RCC1: variants seen among roughly 807,000 people sequenced by gnomAD.
The protein encoded by RCC1 is regulator of chromosome condensation 1.
RCC1 carries 11 observed loss-of-function variants against 44.4 expected under a neutral mutation model. That is an observed-to-expected ratio of 0.25 (90% confidence interval 0.16 to 0.41). The LOEUF (loss-of-function observed/expected upper bound fraction) is 0.41. Ranked by LOEUF, RCC1 falls within the 10% of genes least tolerant of loss-of-function variation. The pLI is 1.00. For synonymous variants in RCC1, 213 were observed against 216.5 expected (o/e 0.98, Z 0.14); for missense variants, 386 against 547.1 (o/e 0.71, Z 2.94).
At chr1:28,530,686 G>GA in intron 5 of RCC1, 1 of 1,341,510 alleles carries the variant, frequency 7.5e-7, no homozygotes, top group Non-Finnish European at 1.0e-6. Flanking sequence ...ATCCTCGGGG[G>GA]AGGGGCTGGG....
At chr1:28,519,019 G>A (rs1233751026) in intron 4 of RCC1, 2 of 152,236 alleles carry the variant, frequency 1.3e-5, no homozygotes, top group Non-Finnish European at 2.9e-5. Context: ...GTGTGCCCTA[G>A]CAGAAGTTGA....
chr1:28,526,322 C>A, intron 4 of RCC1: 1 of 293,942 alleles, frequency 3.4e-6, no homozygotes, highest in South Asian at 5.9e-5. Context: ...AAAACAAGTA[C>A]TTGATGACTC....
At chr1:28,523,464 G>A (rs1018115044) in intron 4 of RCC1, among the ~76,000 whole-genome samples, 1 of 152,114 alleles carries the variant, frequency 6.6e-6, no homozygotes, top group African/African-American at 2.4e-5. Flanking sequence ...GGATCATTGT[G>A]GCCAGCTTGT....
intron 4 of RCC1, among the ~76,000 whole-genome samples, chr1:28,517,772 G>A (rs1662980851): frequency 6.6e-6 from 1 of 152,030 alleles, no homozygotes; most frequent in African/African-American, 2.4e-5. Context: ...GTGGTTCCCT[G>A]TCATTGCAAA....
Position 28,532,183 on chromosome 1 carries a change from G to T in RCC1, c.274G>T (p.Gly92Cys), listed in dbSNP as rs776224457. The T allele has an allele frequency of 6.2e-7, 1 of 1,613,180 alleles. No individual in the cohort carries two copies. Among genetic ancestry groups the T allele is most frequent in the Non-Finnish European group, 8.5e-7 (1 of 1,179,608 alleles). ...ATCCTGGGCACAGGTCTATTCCTTC[G>T]GCTGCAATGATGAGGGTGCCCTGGG... ...LSKSGQVYSF[G>C]CNDEGALGRD... Residue 92 changes from glycine to cysteine, a missense_variant, in exon 7 of 13, where the codon GGC becomes TGC. Physicochemically the swap from Gly to Cys is radical, Grantham distance 159. Transcript: ENST00000683442.
chr1:28,525,252 G>C (rs972500229), intron 4 of RCC1, among the ~76,000 whole-genome samples: 28 of 152,082 alleles, frequency 1.8e-4, no homozygotes, highest in African/African-American at 6.8e-4. Flanking sequence ...GTCAGGGGTC[G>C]ATCTTTAACC....
intron 4 of RCC1, among the ~76,000 whole-genome samples, chr1:28,517,361 C>T (rs1203969266): frequency 6.6e-6 from 1 of 152,152 alleles, no homozygotes; most frequent in Non-Finnish European, 1.5e-5. Flanking sequence ...CCAACCCCAA[C>T]TCACACCCTT....
chr1:28,511,885 AAC>A (rs1405108090), intron 3 of RCC1, among the ~76,000 whole-genome samples: 2 of 151,132 alleles, frequency 1.3e-5, no homozygotes, highest in East Asian at 3.9e-4. Flanking sequence ...GCTGGTCTCG[AAC>A]TCCTGACCTC....
chr1:28,529,592 G>A (rs996353853), intron 4 of RCC1, among the ~76,000 whole-genome samples: 2 of 151,954 alleles, frequency 1.3e-5, no homozygotes, highest in Non-Finnish European at 2.9e-5. Context: ...GTTCTATCAT[G>A]AATATACCAC....
At chr1:28,527,596 T>C (rs542716393) in intron 4 of RCC1, among the ~76,000 whole-genome samples, 57 of 152,188 alleles carry the variant, frequency 3.7e-4, no homozygotes, top group Non-Finnish European at 5.1e-4. Context: ...CCCCCTCTGA[T>C]TATAACAACA....
At chr1:28,528,208 C>A (rs1663815858) in intron 4 of RCC1, among the ~76,000 whole-genome samples, 2 of 151,814 alleles carry the variant, frequency 1.3e-5, no homozygotes, top group Admixed American at 1.3e-4. Context: ...ATAATTCCAG[C>A]ACTTTGGGAG....
intron 3 of RCC1, chr1:28,509,932 CTGA>C (rs1662378354): frequency 1.3e-5 from 2 of 152,304 alleles, no homozygotes; most frequent in South Asian, 2.1e-4. Flanking sequence ...GTATCCCTAG[CTGA>C]TGAGTTGTAT....
At chr1:28,529,182 CTT>C (rs568053824) in intron 4 of RCC1, among the ~76,000 whole-genome samples, 7 of 80,502 alleles carry the variant, frequency 8.7e-5, no homozygotes, top group African/African-American at 5.5e-5. Flanking sequence ...CGCGCCCAGG[CTT>C]TTTTTTTTTT....
intron 4 of RCC1, chr1:28,526,778 T>G (rs942982102): frequency 1.0e-4 from 56 of 549,504 alleles, no homozygotes; most frequent in Non-Finnish European, 1.7e-4. Context: ...CGCCTGTAAT[T>G]CCAGGTACTC....
At position 28,515,876 on chromosome 1, in the gene RCC1, G is replaced by A. The variant is rs185559422; in HGVS notation, c.-152-849G>A. Among the ~76,000 whole-genome samples the A allele has an allele frequency of 2.4e-4, 37 of 151,550 alleles. 1 individual carries two copies. In the East Asian group the frequency reaches 7.0e-3, roughly 29 times the overall value. On this transcript the variant is annotated intron_variant, in intron 3 of 12. Coordinates refer to ENST00000683442, the MANE Select transcript of RCC1 (RefSeq NM_001381865.2). ...AGCCTGGCAAAAATGGTGAAACCCG[G>A]TCTCTACTAAAAATACACAAAATGG...
intron 7 of RCC1, among the ~76,000 whole-genome samples, chr1:28,533,840 CTTTTCTTTTTTTTTTTTTTTTTTTTTTT>C (rs1664353498): frequency 6.1e-5 from 2 of 32,674 alleles, no homozygotes; most frequent in South Asian, 1.5e-3. Flanking sequence ...CTTTTCTTTT[CTTTTCTTTTTTTTTTTTTTTTTTTTTTT>C]TTTTTTTTTT....
intron 3 of RCC1, among the ~76,000 whole-genome samples, chr1:28,513,239 G>A (rs116801954): frequency 3.3e-5 from 5 of 151,908 alleles, no homozygotes; most frequent in Non-Finnish European, 5.9e-5. Context: ...GGGTTTGCGC[G>A]GCTGAAGTGC....
intron 4 of RCC1, chr1:28,518,439 C>G (rs1360143675): frequency 6.6e-6 from 1 of 151,382 alleles, no homozygotes; most frequent in Non-Finnish European, 1.5e-5. Flanking sequence ...GCGGCGCCGG[C>G]CCCACGTGAA....
intron 4 of RCC1, among the ~76,000 whole-genome samples, chr1:28,520,826 C>G (rs1380542726): frequency 6.6e-6 from 1 of 152,102 alleles, no homozygotes; most frequent in Non-Finnish European, 1.5e-5. Flanking sequence ...GACTGTAACC[C>G]CAGCAATTTG....
Sources: allele counts gnomAD v4.1 joint callset (sites outside exome capture counted in the v4.1 genomes callset), GRCh38; gene constraint gnomAD v4.1.1; transcripts MANE v1.5; gene names NCBI Gene and HGNC (gene_info 2026-07-23, HGNC 2026-07-21).